Variants in SPATA6 observed in about 807,000 individuals in gnomAD.
SPATA6 encodes spermatogenesis-associated protein 6.
In SPATA6, 56 loss-of-function variants were observed where a neutral mutation model predicts 65.3. The ratio of observed to expected loss-of-function variants is 0.86; its 90% confidence interval spans 0.69 to 1.07. SPATA6 has a LOEUF of 1.07. Among genes scored for constraint, SPATA6 ranks in the 50% least tolerant of loss-of-function variants. The pLI is 0.00. For missense variants in SPATA6, 590 were observed against 594.8 expected (o/e 0.99, Z 0.08); for synonymous variants, 199 against 213.2 (o/e 0.93, Z 0.58).
chr1:48,422,972 T>A (rs545870470), intron 3 of SPATA6, among the ~76,000 whole-genome samples: 7 of 152,168 alleles, frequency 4.6e-5, no homozygotes, highest in Non-Finnish European at 1.0e-4. Context: ...GAAAAATGAA[T>A]GGTAGTATAC....
chr1:48,318,490 T>G (rs1270611130), intron 11 of SPATA6, among the ~76,000 whole-genome samples: 1 of 152,034 alleles, frequency 6.6e-6, no homozygotes, highest in Non-Finnish European at 1.5e-5. Flanking sequence ...ATAAACAATC[T>G]GAAAATAAAA....
chr1:48,323,111 C>A (rs1316597156), intron 11 of SPATA6, among the ~76,000 whole-genome samples: 1 of 152,158 alleles, frequency 6.6e-6, no homozygotes, highest in Non-Finnish European at 1.5e-5. Context: ...ACTATAAAGA[C>A]ACATGCACAC....
At chr1:48,344,066 A>G (rs1646294887) in intron 11 of SPATA6, 1 of 152,168 alleles carries the variant, frequency 6.6e-6, no homozygotes, top group African/African-American at 2.4e-5. Context: ...TGACTACTAC[A>G]ATTAAAACAC....
At chr1:48,404,671 C>T (rs1268263783) in intron 5 of SPATA6, among the ~76,000 whole-genome samples, 2 of 151,966 alleles carry the variant, frequency 1.3e-5, no homozygotes. Context: ...AAAAACAAAA[C>T]AAAAAACCCA....
chr1:48,289,913 T>C, the SPATA6 span, among the ~76,000 whole-genome samples: 1 of 152,142 alleles, frequency 6.6e-6, no homozygotes, highest in Non-Finnish European at 1.5e-5. Context: ...TGGAACCAAG[T>C]TGGAAAACAC....
intron 3 of SPATA6, chr1:48,436,765 C>A: frequency 6.2e-7 from 1 of 1,614,156 alleles, no homozygotes; most frequent in Non-Finnish European, 8.5e-7. Flanking sequence ...TGGGCAGGTG[C>A]CTTTCCAGGA....
chr1:48,282,493 A>G, the SPATA6 span, among the ~76,000 whole-genome samples: 1 of 152,220 alleles, frequency 6.6e-6, no homozygotes, highest in African/African-American at 2.4e-5. Flanking sequence ...TTACAAGAAA[A>G]AAACAAACAA....
intron 3 of SPATA6, among the ~76,000 whole-genome samples, chr1:48,431,987 G>A (rs1162798815): frequency 6.6e-6 from 1 of 152,122 alleles, no homozygotes; most frequent in Non-Finnish European, 1.5e-5. Context: ...GTGCATGCCT[G>A]TAGCCCCAGC....
At chr1:48,461,221 G>A (rs1015369520) in intron 1 of SPATA6, among the ~76,000 whole-genome samples, 2 of 152,026 alleles carry the variant, frequency 1.3e-5, no homozygotes, top group African/African-American at 4.8e-5. Context: ...TGAGTTCATT[G>A]TAGATTCTGG....
At chr1:48,428,095 A>C (rs556884842) in intron 3 of SPATA6, among the ~76,000 whole-genome samples, 1 of 152,178 alleles carries the variant, frequency 6.6e-6, no homozygotes, top group African/African-American at 2.4e-5. Context: ...ATATGGAACC[A>C]TATGCATCTG....
At chr1:48,305,901 A>G (rs752118753) in intron 11 of SPATA6, 23 bp from the exon 12 acceptor site, 4 of 1,574,450 alleles carry the variant, frequency 2.5e-6, no homozygotes, top group Non-Finnish European at 3.5e-6. Flanking sequence ...AAAGATTTCC[A>G]TTAACTCACT....
chr1:48,450,136 T>G (rs72679343), intron 3 of SPATA6, among the ~76,000 whole-genome samples: 6 of 152,074 alleles, frequency 3.9e-5, no homozygotes, highest in Non-Finnish European at 7.4e-5. Flanking sequence ...GGATAAAGAC[T>G]AACATGGAAG....
chr1:48,421,391 A>C (rs577040382), intron 3 of SPATA6, among the ~76,000 whole-genome samples: 14 of 152,306 alleles, frequency 9.2e-5, no homozygotes, highest in African/African-American at 3.4e-4. Context: ...CAACACAAAA[A>C]GAACAAATCC....
At chr1:48,365,524 A>T (rs1016476282) in intron 9 of SPATA6, among the ~76,000 whole-genome samples, 7 of 152,124 alleles carry the variant, frequency 4.6e-5, no homozygotes, top group Non-Finnish European at 1.0e-4. Context: ...CATCCCTTGT[A>T]AGTTGGATTC....
At chr1:48,369,367 C>T (rs1647153266) in intron 9 of SPATA6, among the ~76,000 whole-genome samples, 1 of 152,200 alleles carries the variant, frequency 6.6e-6, no homozygotes, top group African/African-American at 2.4e-5. Context: ...TGTCTGTGCC[C>T]TGCCCCCAGA....
intron 9 of SPATA6, among the ~76,000 whole-genome samples, chr1:48,359,977 T>C (rs944654604): frequency 6.6e-6 from 1 of 152,160 alleles, no homozygotes; most frequent in Non-Finnish European, 1.5e-5. Context: ...ATTAAATGTA[T>C]CAAGATTGTC....
At chr1:48,385,374 T>TA in intron 8 of SPATA6, 25 bp from the exon 9 acceptor site, 1 of 1,595,034 alleles carries the variant, frequency 6.3e-7, no homozygotes, top group East Asian at 2.3e-5. Flanking sequence ...ACAAAACAAT[T>TA]AAAGTTTAAA....
chr1:48,407,293 T>G (rs1220029347), intron 5 of SPATA6, among the ~76,000 whole-genome samples: 1 of 152,192 alleles, frequency 6.6e-6, no homozygotes, highest in Non-Finnish European at 1.5e-5. Context: ...CCCCTTGATA[T>G]GCAGTTTCAC....
chr1:48,316,592 T>G (rs1645429475), intron 11 of SPATA6, among the ~76,000 whole-genome samples: 1 of 152,144 alleles, frequency 6.6e-6, no homozygotes, highest in Non-Finnish European at 1.5e-5. Context: ...GAAGAAAACC[T>G]AGGCAATACC....
Sources: gnomAD v4.1 joint callset for allele counts (sites outside exome capture counted in the v4.1 genomes callset) on GRCh38, gnomAD v4.1.1 for gene constraint, MANE v1.5 for transcripts, NCBI Gene and HGNC (gene_info 2026-07-23, HGNC 2026-07-21) for gene names.